Variants in ITPR1 observed in about 807,000 individuals in gnomAD.
ITPR1 encodes inositol 1,4,5-trisphosphate receptor type 1, also known as inositol 1,4,5-trisphosphate-gated calcium channel ITPR1.
Under a neutral mutation model 318.4 loss-of-function variants are expected in ITPR1, and 96 were observed. The observed-to-expected ratio is 0.30, with a 90% CI of 0.26 to 0.36. ITPR1 has a LOEUF of 0.36. Ranked by LOEUF, ITPR1 falls within the 10% of genes least tolerant of loss-of-function variation. The pLI is 1.00. For synonymous variants in ITPR1, 1,312 were observed against 1,289.9 expected (o/e 1.02, Z -0.37); for missense variants, 2,440 against 3,460.2 (o/e 0.71, Z 7.40).
chr3:4,813,214 C>A lies in ITPR1; in HGVS notation c.7541C>A (p.Ser2514Tyr), dbSNP rs749882642. 1 of 1,612,530 alleles carries A rather than the reference C, an allele frequency of 6.2e-7. No homozygotes were observed. The highest frequency in any genetic ancestry group is 8.5e-7 in the Non-Finnish European group (1 of 1,178,760). ...VCRVESGENC[S>Y]SPAPREELVP... Reference sequence around the variant, plus strand: ...AGGGTGGAGAGTGGGGAGAACTGCTCCTCTCCTGCACCCAGAGAAGGTAGG... The same window carrying A: ...AGGGTGGAGAGTGGGGAGAACTGCTACTCTCCTGCACCCAGAGAAGGTAGG... The change falls in exon 57 of 62, where the codon TCC becomes TAC. Residue 2514 changes from serine to tyrosine, a missense_variant. By Grantham distance (144) the Ser-to-Tyr change is moderately radical (BLOSUM62 -2). Coordinates refer to ENST00000649015, the MANE Select transcript of ITPR1 (RefSeq NM_001378452.1).
In ITPR1 at chr3:4,710,269, C is replaced by A; in HGVS notation, c.4843-56C>A. The A allele has an allele frequency of 7.6e-6, 11 of 1,440,944 alleles. No homozygotes were observed. Among genetic ancestry groups the A allele is most frequent in the Non-Finnish European group, 9.2e-6 (10 of 1,085,778 alleles). 89.3% of individuals were successfully genotyped at this position (1,440,944 alleles called of 1,614,324 possible). ...TTAGGGCAGAAATCAATGTCCTCAC[C>A]CTCCTGTGGTCAGCGTCTGCCTGAG... On this transcript the variant is annotated intron_variant, in intron 37 of 61. Transcript: ENST00000649015. The surrounding 1 kb of genome is among the most constrained non-coding windows in gnomAD (Gnocchi z 4.2).
At chr3:4,845,694 G>C (rs898789668) in intron 61 of ITPR1, among the ~76,000 whole-genome samples, 13 of 152,072 alleles carry the variant, frequency 8.5e-5, no homozygotes, top group African/African-American at 3.1e-4. Flanking sequence ...AGTCATTGAA[G>C]AGAAAAATCA....
Position 4,683,406 on chromosome 3 carries a change from A to T in ITPR1, c.3182A>T (p.Asp1061Val). Residue 1061 changes from aspartate to valine, a missense_variant, in exon 27 of 62, where the codon GAC (aspartate) becomes GTC (valine). Transcript: ENST00000649015. ...TTTAGTGAGGAGAACACCCCACTGG[A>T]CTTGGATGACCACGGCGGCAGAACC... Reference protein sequence around the residue: ...FGGSEENTPLDLDDHGGRTFL... With the variant: ...FGGSEENTPLVLDDHGGRTFL... 6.2e-7 allele frequency: 1 copy of T among 1,613,992 alleles called. No individual in the cohort carries two copies. Among genetic ancestry groups the T allele is most frequent in the Non-Finnish European group, 8.5e-7 (1 of 1,179,868 alleles).
At chr3:4,808,098 G>A (rs2048705514) in intron 55 of ITPR1, among the ~76,000 whole-genome samples, 1 of 152,222 alleles carries the variant, frequency 6.6e-6, no homozygotes, top group South Asian at 2.1e-4. Flanking sequence ...CTGACGCAGG[G>A]CACATAATGG....
chr3:4,621,454 G>C (rs2092630482), intron 4 of ITPR1, among the ~76,000 whole-genome samples: 1 of 152,120 alleles, frequency 6.6e-6, no homozygotes, highest in South Asian at 2.1e-4. Flanking sequence ...CCATGACCCA[G>C]TCACTTCCCT....
intron 19 of ITPR1, 45 bp from the exon 20 acceptor site, chr3:4,670,684 T>A: frequency 8.9e-6 from 12 of 1,350,408 alleles, no homozygotes; most frequent in Non-Finnish European, 1.2e-5. Context: ...GATCTCAAAG[T>A]ATTTTTAAAA....
intron 53 of ITPR1, among the ~76,000 whole-genome samples, chr3:4,796,460 T>C (rs2047905047): frequency 6.6e-6 from 1 of 152,126 alleles, no homozygotes; most frequent in Non-Finnish European, 1.5e-5. Context: ...AGTGAGGAGC[T>C]CAGCTGGCGG....
At chr3:4,653,359 C>G (rs566440639) in intron 11 of ITPR1, among the ~76,000 whole-genome samples, 14 of 152,274 alleles carry the variant, frequency 9.2e-5, no homozygotes, top group Non-Finnish European at 1.5e-4. Context: ...AGATCAAGAA[C>G]TCCAAGTTCA....
At chr3:4,725,603 G>A (rs369185152) in intron 41 of ITPR1, 22 bp downstream of exon 41, 424 of 1,595,408 alleles carry the variant, frequency 2.7e-4, no homozygotes, top group Non-Finnish European at 3.5e-4. Context: ...GCCTATATTT[G>A]TAGCGCCAGC....
chr3:4,636,892 G>T (rs1350924693), intron 5 of ITPR1, among the ~76,000 whole-genome samples: 1 of 152,202 alleles, frequency 6.6e-6, no homozygotes, highest in East Asian at 1.9e-4. Flanking sequence ...CCTTCTTGAT[G>T]GTTAATTTGA....
chr3:4,685,388 C>T lies in ITPR1; in HGVS notation c.3702+182C>T, dbSNP rs569329505. 4.9e-4 allele frequency among the ~76,000 whole-genome samples: 75 copies of T among 152,306 alleles called. 1 individual carries two copies. The highest frequency in any genetic ancestry group is 1.6e-3 in the African/African-American group (67 of 41,552). On this transcript the variant is annotated intron_variant, in intron 30 of 61. Transcript: ENST00000649015. ...ATCTGAAAAATAAAGTAAAATCACCCGTGAATAATCCTCATCCCCAGTTTT... is the reference window on the plus strand; with the variant it reads ...ATCTGAAAAATAAAGTAAAATCACCTGTGAATAATCCTCATCCCCAGTTTT...
chr3:4,574,592 G>T (rs944140447), intron 4 of ITPR1, among the ~76,000 whole-genome samples: 1 of 152,216 alleles, frequency 6.6e-6, no homozygotes, highest in Non-Finnish European at 1.5e-5. Flanking sequence ...TTAGAATCAT[G>T]TATAACGGCT....
intron 4 of ITPR1, among the ~76,000 whole-genome samples, chr3:4,528,291 A>G (rs1045104863): frequency 2.0e-5 from 3 of 152,156 alleles, no homozygotes; most frequent in African/African-American, 7.2e-5. Context: ...CTGTCCAGAA[A>G]TAGGTTCTTA....
At chr3:4,654,830 T>A (rs2093670761) in intron 12 of ITPR1, among the ~76,000 whole-genome samples, 1 of 152,216 alleles carries the variant, frequency 6.6e-6, no homozygotes, top group South Asian at 2.1e-4. Context: ...TCCTTCTAGT[T>A]ATGTCTTGGT....
intron 60 of ITPR1, among the ~76,000 whole-genome samples, chr3:4,825,447 T>C (rs915270254): frequency 2.0e-5 from 3 of 152,110 alleles, no homozygotes; most frequent in African/African-American, 7.2e-5. Context: ...GGTAATTTGC[T>C]TCAAAAAAAG....
rs749104116 is a variant in ITPR1, at chr3:4,639,386, C to T, written c.282C>T (p.His94=). 31 of 1,563,450 alleles carry T rather than the reference C, an allele frequency of 2.0e-5. No homozygotes were observed. Among genetic ancestry groups the T allele is most frequent in the East Asian group, 7.1e-5 (3 of 42,058 alleles). Reference sequence around the variant, plus strand: ...CAATCTTTCTTCTCAATGCACAGCACGCTGCAGACTTGGAAAAGAAGCAGA... The same window carrying T: ...CAATCTTTCTTCTCAATGCACAGCATGCTGCAGACTTGGAAAAGAAGCAGA... ...TDAVLLNKLH[H]AADLEKKQNE... Residue 94 remains histidine, a splice_region_variant and synonymous_variant, in exon 6 of 62, where the codon CAC becomes CAT. Coordinates refer to ENST00000649015, the MANE Select transcript of ITPR1 (RefSeq NM_001378452.1).
rs180814848 is a variant in ITPR1 at position 4,650,157 on chromosome 3, T to C, written c.856-1966T>C. On this transcript the variant is annotated intron_variant, in intron 10 of 61. Transcript: ENST00000649015. ...ATAGCATTTGGATTGTTTTCACATTTTGGCTCCTGTGAATAAGTCATCTGC... is the reference window on the plus strand; with the variant it reads ...ATAGCATTTGGATTGTTTTCACATTCTGGCTCCTGTGAATAAGTCATCTGC... Among the ~76,000 whole-genome samples, 105 of 152,366 alleles carry C rather than the reference T, an allele frequency of 6.9e-4. 1 individual carries two copies. Among genetic ancestry groups the C allele is most frequent in the African/African-American group, 2.4e-3 (100 of 41,586 alleles).
At chr3:4,651,160 G>T (rs2093589420) in intron 10 of ITPR1, among the ~76,000 whole-genome samples, 1 of 152,152 alleles carries the variant, frequency 6.6e-6, no homozygotes, top group African/African-American at 2.4e-5. Flanking sequence ...AGCCCTGTGT[G>T]CGCTCTGGGA....
At chr3:4,680,481 G>A (rs529465038) in intron 24 of ITPR1, 72 bp from the exon 25 acceptor site, 40 of 1,379,714 alleles carry the variant, frequency 2.9e-5, no homozygotes, top group Middle Eastern at 1.9e-4. Context: ...CCGCCAGTGT[G>A]TGGTGGCTTG....
Sources: gnomAD v4.1 joint callset for allele counts (sites outside exome capture counted in the v4.1 genomes callset) on GRCh38, gnomAD v4.1.1 for gene constraint, Gnocchi (gnomAD v3.1) non-coding constraint, MANE v1.5 for transcripts, NCBI Gene and HGNC (gene_info 2026-07-23, HGNC 2026-07-21) for gene names.